The following METAP2 variants were observed in gnomAD, a reference collection of about 807,000 sequenced individuals.
METAP2 encodes the protein methionine aminopeptidase 2.
In METAP2, 25 loss-of-function variants were observed where a neutral mutation model predicts 59.4. That is an observed-to-expected ratio of 0.42 (90% CI 0.31 to 0.59). METAP2 has a LOEUF of 0.59. Ranked by LOEUF, METAP2 falls within the 20% of genes least tolerant of loss-of-function variation. METAP2 has a pLI of 0.16. For synonymous variants in METAP2, 214 were observed against 194.1 expected (o/e 1.10, Z -0.85); for missense variants, 366 against 581.2 (o/e 0.63, Z 3.81).
intron 7 of METAP2, among the ~76,000 whole-genome samples, chr12:95,501,312 G>T (rs902955296): frequency 6.6e-6 from 1 of 152,150 alleles, no homozygotes; most frequent in Non-Finnish European, 1.5e-5. Context: ...ACAGGCATGA[G>T]CCACTGTGTC....
chr12:95,492,412 C>T (rs2076245275), intron 4 of METAP2, among the ~76,000 whole-genome samples: 1 of 152,034 alleles, frequency 6.6e-6, no homozygotes, highest in African/African-American at 2.4e-5. Flanking sequence ...TTTTAGTCCA[C>T]TTATAAGGAG....
chr12:95,511,582 G>A (rs1372219676), intron 8 of METAP2, among the ~76,000 whole-genome samples: 1 of 151,964 alleles, frequency 6.6e-6, no homozygotes, highest in Non-Finnish European at 1.5e-5. Flanking sequence ...AGTAGAGACA[G>A]GGTTTCGCCA....
In METAP2 at chr12:95,494,047, A is replaced by C; in HGVS notation, c.429-9A>C. 6.2e-7 allele frequency: 1 copy of C among 1,612,290 alleles called. No individual in the cohort carries two copies. Among genetic ancestry groups the C allele is most frequent in the South Asian group, 1.1e-5 (1 of 90,950 alleles). On this transcript the variant is annotated splice_polypyrimidine_tract_variant and intron_variant, in intron 4 of 10. Coordinates refer to ENST00000323666, the MANE Select transcript of METAP2 (RefSeq NM_006838.4). ...TTATCACTAATAGTATTCTATGCCCACTCTAAAGGCGAACAGCTGCTTGGA... is the reference window on the plus strand; with the variant it reads ...TTATCACTAATAGTATTCTATGCCCCCTCTAAAGGCGAACAGCTGCTTGGA...
chr12:95,504,668 T>A (rs1218956416), intron 8 of METAP2, among the ~76,000 whole-genome samples: 2 of 152,102 alleles, frequency 1.3e-5, no homozygotes, highest in Non-Finnish European at 2.9e-5. Flanking sequence ...CATGCCCGGC[T>A]GATTTTTAAT....
At chr12:95,500,840 T>C (rs907439609) in intron 7 of METAP2, among the ~76,000 whole-genome samples, 9 of 152,174 alleles carry the variant, frequency 5.9e-5, no homozygotes, top group Admixed American at 3.9e-4. Flanking sequence ...AGTTTTCTTA[T>C]AGTGTCTTTG....
intron 2 of METAP2, among the ~76,000 whole-genome samples, chr12:95,477,104 AT>A (rs72037664): frequency 0.11 from 16,354 of 145,810 alleles, 933 homozygotes; most frequent in African/African-American, 0.13. Context: ...TTTACTCTCT[AT>A]TTTTTTTTTT....
chr12:95,500,092 T>C (rs1461145172), intron 7 of METAP2, among the ~76,000 whole-genome samples: 1 of 152,232 alleles, frequency 6.6e-6, no homozygotes, highest in Non-Finnish European at 1.5e-5. Context: ...AGCAATGTTT[T>C]ATAGTATTCA....
At chr12:95,513,132 C>A (rs1350075917) in intron 10 of METAP2, among the ~76,000 whole-genome samples, 2 of 147,900 alleles carry the variant, frequency 1.4e-5, no homozygotes, top group Non-Finnish European at 3.0e-5. Flanking sequence ...CACACACACA[C>A]AAGTGCTCTC....
At chr12:95,505,364 G>A (rs1002223048) in intron 8 of METAP2, among the ~76,000 whole-genome samples, 2 of 152,120 alleles carry the variant, frequency 1.3e-5, no homozygotes, top group African/African-American at 4.8e-5. Context: ...CTCTCGCTCT[G>A]TTGCTCAGGC....
At chr12:95,513,547 G>T in intron 10 of METAP2, 105 bp from the exon 11 acceptor site, 2 of 1,297,958 alleles carry the variant, frequency 1.5e-6, no homozygotes, top group South Asian at 1.5e-5. Flanking sequence ...AAAAGTTTTT[G>T]GACTTCAACT....
chr12:95,504,823 A>G (rs1430661205), intron 8 of METAP2, among the ~76,000 whole-genome samples: 1 of 152,210 alleles, frequency 6.6e-6, no homozygotes, highest in Non-Finnish European at 1.5e-5. Flanking sequence ...TTGGAATCAC[A>G]TTCAGAATTT....
Position 95,513,637 on chromosome 12 carries a change from A to G in METAP2, c.1185-15A>G. ...CTCTTTTGCCAACAGTTAATTTTGG[A>G]TTTTCTCCTCTTAGGCTTCCAAGAA... On this transcript the variant is annotated splice_polypyrimidine_tract_variant and intron_variant, in intron 10 of 10. Transcript: ENST00000323666. The G allele has an allele frequency of 1.2e-6, 2 of 1,607,788 alleles. No homozygotes were observed. Among genetic ancestry groups the G allele is most frequent in the Non-Finnish European group, 8.5e-7 (1 of 1,176,568 alleles).
At position 95,488,511 on chromosome 12, in the gene METAP2, C is replaced by CAAAAAA. The variant is rs537119415; in HGVS notation, c.428+2553_428+2558dup. ...GTGACAGAGCGAGACTTTGTCTCAC[C>CAAAAAA]AAAAAAAAAAAAAAAAAAAAAAAAA... On this transcript the variant is annotated intron_variant, in intron 4 of 10. Transcript: ENST00000323666. Among the ~76,000 whole-genome samples the CAAAAAA allele has an allele frequency of 4.3e-4, 33 of 76,560 alleles. 1 individual carries two copies. The highest frequency in any genetic ancestry group is 1.6e-3 in the African/African-American group (32 of 19,898). 50.2% of individuals were successfully genotyped at this position (76,560 alleles called of 152,430 possible). A position where few individuals can be genotyped will look rare whatever the true frequency, so the allele number is the denominator to read the frequency against.
chr12:95,477,222 C>T (rs553039402), intron 2 of METAP2, among the ~76,000 whole-genome samples: 6 of 152,036 alleles, frequency 3.9e-5, no homozygotes, highest in Admixed American at 2.0e-4. Flanking sequence ...CTCAGCCTCC[C>T]GAGTAGCTGG....
rs1343672590 is a variant in METAP2 at position 95,504,180 on chromosome 12, T to C, written c.964+19T>C. 7 of 1,462,872 alleles carry C rather than the reference T, an allele frequency of 4.8e-6. No homozygotes were observed. In the East Asian group the frequency reaches 1.6e-4, roughly 33 times the overall value. The allele number at this position is 1,462,872 out of a possible 1,614,324, so 90.6% of individuals were successfully genotyped here. ...TATCAAGGTATGTTCTTTTAAAATATATCTTATTTTGAAATTGATTTTACA... is the reference window on the plus strand; with the variant it reads ...TATCAAGGTATGTTCTTTTAAAATACATCTTATTTTGAAATTGATTTTACA... On this transcript the variant is annotated intron_variant, in intron 8 of 10. Transcript: ENST00000323666.
At position 95,474,298 on chromosome 12, in the gene METAP2, GAAA is replaced by G. The variant is rs752982614; in HGVS notation, c.120_122del (p.Lys44del). 4 of 1,614,174 alleles carry G rather than the reference GAAA, an allele frequency of 2.5e-6. No homozygotes were observed. In the South Asian group the frequency reaches 3.3e-5, roughly 13 times the overall value. Reference sequence around the variant, plus strand: ...GAGGAAGCAGCCAAGAAAAAAAGACGAAAGAAGAAGAAGAGCAAAGGGCCTTCT... The same window carrying G: ...GAGGAAGCAGCCAAGAAAAAAAGACGGAAGAAGAAGAGCAAAGGGCCTTCT... On this transcript the variant is annotated inframe_deletion, in exon 1 of 11. Transcript: ENST00000323666.
At position 95,495,011 on chromosome 12, in the gene METAP2, A is replaced by C. The variant is rs749410146; in HGVS notation, c.645A>C (p.Ala215=). ...RKLIKENGLN[A]GLAFPTGCSL... ...TAATAAAAGAGAATGGATTAAATGC[A>C]GGCCTGGCATTTCCTACTGGATGTT... The change falls in exon 6 of 11, where the codon GCA becomes GCC. Residue 215 remains alanine, a synonymous_variant. Coordinates refer to ENST00000323666, the MANE Select transcript of METAP2 (RefSeq NM_006838.4). The C allele has an allele frequency of 6.2e-7, 1 of 1,613,694 alleles. No homozygotes were observed. The highest frequency in any genetic ancestry group is 8.5e-7 in the Non-Finnish European group (1 of 1,179,646).
Position 95,513,775 on chromosome 12 carries a change from T to A in METAP2, c.1308T>A (p.Cys436Ter), listed in dbSNP as rs1350249528. ...ACTTGATGGCTCTGAAGAATCTGTG[T>A]GACTTGGGCATTGTAGATCCATATC... ...SKYLMALKNL[C>*]DLGIVDPYPP... Residue 436 changes from cysteine (C) to a stop codon, truncating the protein, a stop_gained, in exon 11 of 11, where the codon TGT becomes TGA. Coordinates refer to ENST00000323666, the MANE Select transcript of METAP2 (RefSeq NM_006838.4). LOFTEE classifies it high-confidence loss of function. 1 of 1,614,240 alleles carries A rather than the reference T, an allele frequency of 6.2e-7. No homozygotes were observed. Among genetic ancestry groups the A allele is most frequent in the Non-Finnish European group, 8.5e-7 (1 of 1,180,032 alleles).
chr12:95,498,450 G>C (rs766700579), intron 7 of METAP2, among the ~76,000 whole-genome samples: 16 of 152,144 alleles, frequency 1.1e-4, no homozygotes, highest in Non-Finnish European at 1.5e-4. Context: ...AGTCCAGTTT[G>C]TCTATTTTTT....
Sources: gnomAD v4.1 joint callset for allele counts (sites outside exome capture counted in the v4.1 genomes callset) on GRCh38, gnomAD v4.1.1 for gene constraint, MANE v1.5 for transcripts, NCBI Gene and HGNC (gene_info 2026-07-23, HGNC 2026-07-21) for gene names.